MAP9: variants seen among roughly 807,000 people sequenced by gnomAD.
MAP9 encodes microtubule-associated protein 9.
A neutral mutation model predicts 75.2 loss-of-function variants in MAP9; 80 were observed. That is an observed-to-expected ratio of 1.06 (90% CI 0.89 to 1.28). The LOEUF (loss-of-function observed/expected upper bound fraction) is 1.28. Among genes scored for constraint, MAP9 ranks in the 50% most tolerant of loss-of-function variants. MAP9 has a pLI of 0.00. For missense variants in MAP9, 753 were observed against 719.9 expected, an observed-to-expected ratio of 1.05 and a Z score of -0.53; for synonymous variants, 235 against 237.3, an observed-to-expected ratio of 0.99 and a Z score of 0.09.
At chr4:155,350,472 T>A (rs1402391620) in intron 13 of MAP9, among the ~76,000 whole-genome samples, 2 of 152,056 alleles carry the variant, frequency 1.3e-5, no homozygotes, top group African/African-American at 4.8e-5. Flanking sequence ...TTAAAGAAAT[T>A]CTATTCCATT....
At chr4:155,361,561 C>T (rs1732081307) in intron 6 of MAP9, among the ~76,000 whole-genome samples, 1 of 152,012 alleles carries the variant, frequency 6.6e-6, no homozygotes, top group Admixed American at 6.6e-5. Flanking sequence ...ATTCTTACAA[C>T]ACCCTATAAG....
At chr4:155,366,481 T>A (rs958883429) in intron 5 of MAP9, among the ~76,000 whole-genome samples, 1 of 152,208 alleles carries the variant, frequency 6.6e-6, no homozygotes, top group East Asian at 1.9e-4. Context: ...GTTTTTGTCA[T>A]TGAAAGTAAT....
intron 1 of MAP9, among the ~76,000 whole-genome samples, chr4:155,376,159 C>A (rs1732833964): frequency 6.6e-6 from 1 of 152,142 alleles, no homozygotes; most frequent in Non-Finnish European, 1.5e-5. Context: ...TAAATGATTA[C>A]AAGTTAATAC....
intron 13 of MAP9, 176 bp downstream of exon 13, chr4:155,352,420 G>T: frequency 1.1e-5 from 6 of 566,710 alleles, no homozygotes; most frequent in Non-Finnish European, 1.5e-5. Context: ...AACATTAATA[G>T]AAATGACTAA....
At chr4:155,367,686 G>A (rs749798188) in intron 5 of MAP9, among the ~76,000 whole-genome samples, 7 of 152,200 alleles carry the variant, frequency 4.6e-5, no homozygotes, top group Non-Finnish European at 1.0e-4. Flanking sequence ...AGCTTTACTG[G>A]TAAAGCTCAA....
intron 4 of MAP9, among the ~76,000 whole-genome samples, chr4:155,371,264 C>T (rs1365218353): frequency 2.0e-5 from 3 of 151,652 alleles, no homozygotes; most frequent in African/African-American, 7.3e-5. Context: ...ACATTAAAAA[C>T]ATTGAGTTCC....
intron 5 of MAP9, among the ~76,000 whole-genome samples, chr4:155,366,569 C>A (rs1732342288): frequency 6.6e-6 from 1 of 152,020 alleles, no homozygotes; most frequent in Non-Finnish European, 1.5e-5. Flanking sequence ...TAAAACTAAG[C>A]AATGCCTATC....
Position 155,373,291 on chromosome 4 carries a change from G to C in MAP9, c.326C>G (p.Ala109Gly). 1 of 1,613,562 alleles carries C rather than the reference G, an allele frequency of 6.2e-7. No individual in the cohort carries two copies. Among genetic ancestry groups the C allele is most frequent in the African/African-American group, 1.3e-5 (1 of 74,960 alleles). The change falls in exon 4 of 14, where the codon GCC (alanine) becomes GGC (glycine). Residue 109 changes from alanine to glycine, a missense_variant. Physicochemically the swap from Ala to Gly is moderately conservative, Grantham distance 60. Coordinates refer to ENST00000311277, the MANE Select transcript of MAP9 (RefSeq NM_001039580.2). ...TGCCATTTCCTCTTCATTTTTGATG[G>C]CACACACTGGCTCATCTTTGGTTAT... ...GNITKDEPVC[A>G]IKNEEEMAPD...
chr4:155,374,337 T>TCAAGAA (rs1553968346), intron 3 of MAP9, among the ~76,000 whole-genome samples: 5 of 108,094 alleles, frequency 4.6e-5, no homozygotes, highest in Non-Finnish European at 8.1e-5. Flanking sequence ...AGACTCCATC[T>TCAAGAA]CAAAAACAAA....
intron 5 of MAP9, among the ~76,000 whole-genome samples, chr4:155,366,368 AAAAG>A (rs1732329479): frequency 6.6e-6 from 1 of 151,888 alleles, no homozygotes; most frequent in Admixed American, 6.6e-5. Flanking sequence ...CAAAAAAAAA[AAAAG>A]AAAGTAAAAG....
chr4:155,371,249 TCAC>T (rs1732577139), intron 4 of MAP9, among the ~76,000 whole-genome samples: 1 of 151,750 alleles, frequency 6.6e-6, no homozygotes, highest in South Asian at 2.1e-4. Flanking sequence ...CAGCAATATC[TCAC>T]CACATTAAAA....
intron 3 of MAP9, 106 bp from the exon 4 acceptor site, chr4:155,373,562 C>T (rs1040605015): frequency 4.4e-6 from 3 of 682,614 alleles, no homozygotes; most frequent in Non-Finnish European, 6.9e-6. Flanking sequence ...AAAATTCTAA[C>T]AATGAATAGG....
In MAP9 at chr4:155,343,071, CATGAT is replaced by C. The variant is rs1731168995; in HGVS notation, c.*4707_*4711del. 1 of 151,780 alleles carries C rather than the reference CATGAT, an allele frequency of 6.6e-6. No homozygotes were observed. The highest frequency in any genetic ancestry group is 2.4e-5 in the African/African-American group (1 of 41,350). The allele number at this position is 151,780 out of a possible 1,614,324, so 9.4% of individuals were successfully genotyped here. ...AATTATATTAGCATGGAAATATGTTCATGATATATCACTGAGTGAAAAAAATCTGG... is the reference window on the plus strand; with the variant it reads ...AATTATATTAGCATGGAAATATGTTCATATCACTGAGTGAAAAAAATCTGG... On this transcript the variant is annotated 3_prime_UTR_variant, in exon 14 of 14. Coordinates refer to ENST00000311277, the MANE Select transcript of MAP9 (RefSeq NM_001039580.2).
chr4:155,355,123 A>G lies in MAP9; in HGVS notation c.1328T>C (p.Met443Thr), dbSNP rs1444331862. The change falls in exon 10 of 14, where the codon ATG becomes ACG. Residue 443 changes from methionine to threonine, a missense_variant. By Grantham distance (81) the Met-to-Thr change is moderately conservative. Coordinates refer to ENST00000311277, the MANE Select transcript of MAP9 (RefSeq NM_001039580.2). The stretch of plus-strand genomic sequence containing the variant: ...ACTTTCAATTCTTTTTATTCTGTGC[A>G]TTTCATGTAAATACACATTTTTCTT... ...LEKKNVYLHE[M>T]HRIKRIESEN... is the part of the protein sequence containing the mutation. 7.1e-7 allele frequency: 1 copy of G among 1,408,558 alleles called. No individual in the cohort carries two copies. The highest frequency in any genetic ancestry group is 1.3e-5 in the South Asian group (1 of 74,166). 87.3% of individuals were successfully genotyped at this position (1,408,558 alleles called of 1,614,324 possible). A position where few individuals can be genotyped will look rare whatever the true frequency, so the allele number is the denominator to read the frequency against.
intron 7 of MAP9, 75 bp from the exon 8 acceptor site, chr4:155,357,594 G>T: frequency 1.2e-6 from 1 of 811,992 alleles, no homozygotes; most frequent in Non-Finnish European, 2.1e-6. Context: ...CAAACTGCCA[G>T]TAAATCACTA....
intron 13 of MAP9, chr4:155,350,081 T>C (rs1170798033): frequency 4.4e-6 from 1 of 229,306 alleles, no homozygotes; most frequent in Non-Finnish European, 8.8e-6. Context: ...AAAAATATTT[T>C]AGTCTTACCT....
chr4:155,370,042 A>T (rs1732524642), intron 4 of MAP9, among the ~76,000 whole-genome samples: 2 of 152,146 alleles, frequency 1.3e-5, no homozygotes, highest in African/African-American at 4.8e-5. Context: ...AGATTCCACA[A>T]CCATACCAAA....
At chr4:155,357,742 A>G (rs1050998771) in intron 7 of MAP9, among the ~76,000 whole-genome samples, 3 of 152,170 alleles carry the variant, frequency 2.0e-5, no homozygotes, top group African/African-American at 7.2e-5. Flanking sequence ...CATGAAGGAC[A>G]TAAAATAGTG....
chr4:155,351,393 T>C (rs13120090), intron 13 of MAP9, among the ~76,000 whole-genome samples: 1 of 150,820 alleles, frequency 6.6e-6, no homozygotes, highest in East Asian at 1.9e-4. Context: ...AAAAATAAGA[T>C]AATTCTGTTT....
Sources: gnomAD v4.1 joint callset for allele counts (sites outside exome capture counted in the v4.1 genomes callset) on GRCh38, gnomAD v4.1.1 for gene constraint, MANE v1.5 for transcripts, NCBI Gene and HGNC (gene_info 2026-07-23, HGNC 2026-07-21) for gene names.